The following GRIN2C variants were observed in gnomAD, a reference collection of about 807,000 sequenced individuals.
GRIN2C encodes the protein glutamate receptor ionotropic, NMDA 2C.
Under a neutral mutation model 77.7 loss-of-function variants are expected in GRIN2C, and 64 were observed. That is an observed-to-expected ratio of 0.82 (90% CI 0.67 to 1.01). The LOEUF (loss-of-function observed/expected upper bound fraction) is 1.01. Ranked by LOEUF, GRIN2C falls within the 50% of genes least tolerant of loss-of-function variation. The pLI is 0.00. For missense variants in GRIN2C, 1,549 were observed against 1,486.0 expected (o/e 1.04, Z -0.70); for synonymous variants, 792 against 643.4 (o/e 1.23, Z -3.49).
At position 74,854,688 on chromosome 17, in the gene GRIN2C, A is replaced by G; in HGVS notation, c.399+6T>C. On this transcript the variant is annotated splice_donor_region_variant and intron_variant, in intron 2 of 12. Transcript: ENST00000293190. ...GGCACGAGGGGACATGAGTTTGGAC[A>G]TGCACCTTGGGGGTGAGGACCACAG... The G allele has an allele frequency of 6.2e-7, 1 of 1,601,530 alleles. No homozygotes were observed. The highest frequency in any genetic ancestry group is 1.7e-4 in the Middle Eastern group (1 of 6,028).
In GRIN2C at chr17:74,847,271, T is replaced by TGCCCCCCCCCACCCCCAGC; in HGVS notation, c.2001+18_2001+36dup. 1 of 644,462 alleles carries TGCCCCCCCCCACCCCCAGC rather than the reference T, an allele frequency of 1.6e-6. No individual in the cohort carries two copies. Among genetic ancestry groups the TGCCCCCCCCCACCCCCAGC allele is most frequent in the Non-Finnish European group, 2.8e-6 (1 of 351,306 alleles). 39.9% of individuals were successfully genotyped at this position (644,462 alleles called of 1,614,324 possible). On this transcript the variant is annotated intron_variant, in intron 9 of 12. Transcript: ENST00000293190. The surrounding 1 kb of genome is among the most constrained non-coding windows in gnomAD (Gnocchi z 5.2). ...ACTCACGGCCTGTCCCCACCCTCAG[T>TGCCCCCCCCCACCCCCAGC]GCCCCCCCCCACCCCCAGCAGCTAT...
In GRIN2C at chr17:74,852,618, G is replaced by T; in HGVS notation, c.400-7C>A. ...GGAAGGCGGAGCCCGGCTCCTGGGG[G>T]CGGGCGGGGCCTGAGCGGGGCGGGA... On this transcript the variant is annotated splice_region_variant and splice_polypyrimidine_tract_variant and intron_variant, in intron 2 of 12. Transcript: ENST00000293190. 1 of 1,082,080 alleles carries T rather than the reference G, an allele frequency of 9.2e-7. No individual in the cohort carries two copies. Among genetic ancestry groups the T allele is most frequent in the Non-Finnish European group, 1.2e-6 (1 of 865,170 alleles). The allele number at this position is 1,082,080 out of a possible 1,614,324, so 67.0% of individuals were successfully genotyped here. A position where few individuals can be genotyped will look rare whatever the true frequency, so the allele number is the denominator to read the frequency against.
chr17:74,842,095 G>C lies in GRIN2C; in HGVS notation c.*340C>G. ...CTCTAGCCAGGTAGAGCAAGGATCG[G>C]GATGGCCCTGCCTCAACCACAAGTT... On this transcript the variant is annotated 3_prime_UTR_variant, in exon 13 of 13. Coordinates refer to ENST00000293190, the MANE Select transcript of GRIN2C (RefSeq NM_000835.6). 3.3e-6 allele frequency: 1 copy of C among 300,174 alleles called. No homozygotes were observed. The highest frequency in any genetic ancestry group is 8.9e-5 in the East Asian group (1 of 11,180). The allele number at this position is 300,174 out of a possible 1,614,324, so 18.6% of individuals were successfully genotyped here.
rs1217537715 is a variant in GRIN2C, at chr17:74,847,325, C to T, written c.1984G>A (p.Gly662Ser). The T allele has an allele frequency of 1.2e-6, 2 of 1,609,958 alleles. No individual in the cohort carries two copies. Among genetic ancestry groups the T allele is most frequent in the Non-Finnish European group, 1.7e-6 (2 of 1,177,704 alleles). The change falls in exon 9 of 13, where the codon GGC becomes AGC. Residue 662 changes from glycine (G) to serine (S), a missense_variant. Transcript: ENST00000293190. The surrounding 1 kb of genome is among the most constrained non-coding windows in gnomAD (Gnocchi z 5.2). ...IQEQYIDTVS[G>S]LSDKKFQRPQ... is the part of the protein sequence containing the mutation. ...CCCACAACCTTCTTGTCACTGAGGCCCGACACAGTGTCGATGTATTGCTCT... is the reference window on the plus strand; with the variant it reads ...CCCACAACCTTCTTGTCACTGAGGCTCGACACAGTGTCGATGTATTGCTCT...
rs2037565839 is a variant in GRIN2C, at chr17:74,849,535, A to G, written c.1645+245T>C. Reference sequence around the variant, plus strand: ...CCTGCTGGATTTTCCTGCCACTCACAGTGGCACCACGACCCATCCCACACC... The same window carrying G: ...CCTGCTGGATTTTCCTGCCACTCACGGTGGCACCACGACCCATCCCACACC... On this transcript the variant is annotated intron_variant, in intron 7 of 12. Transcript: ENST00000293190. The surrounding 1 kb of genome is among the most constrained non-coding windows in gnomAD (Gnocchi z 4.6). Among the ~76,000 whole-genome samples, 1 of 152,022 alleles carries G rather than the reference A, an allele frequency of 6.6e-6. No homozygotes were observed. Among genetic ancestry groups the G allele is most frequent in the Non-Finnish European group, 1.5e-5 (1 of 67,998 alleles).
At position 74,852,152 on chromosome 17, in the gene GRIN2C, G is replaced by A; in HGVS notation, c.859C>T (p.Gln287Ter). 1 of 1,455,330 alleles carries A rather than the reference G, an allele frequency of 6.9e-7. No individual in the cohort carries two copies. The highest frequency in any genetic ancestry group is 1.3e-5 in the South Asian group (1 of 74,468). 90.2% of individuals were successfully genotyped at this position (1,455,330 alleles called of 1,614,324 possible). A position where few individuals can be genotyped will look rare whatever the true frequency, so the allele number is the denominator to read the frequency against. Residue 287 changes from glutamine (Q) to a stop codon, truncating the protein, a stop_gained, in exon 3 of 13, where the codon CAG becomes TAG. Coordinates refer to ENST00000293190, the MANE Select transcript of GRIN2C (RefSeq NM_000835.6). LOFTEE classifies it high-confidence loss of function. ...ATGGCCACGCCGTCGCGCACCTTCT[G>A]GCGCAGGCTGAGGCGCCAGCTCTCG... ...VTESWRLSLR[Q>*]KVRDGVAILA...
rs2037390705 is a variant in GRIN2C at position 74,844,315 on chromosome 17, G to C, written c.2544C>G (p.Pro848=). 2.5e-6 allele frequency: 4 copies of C among 1,614,050 alleles called. No homozygotes were observed. In the African/African-American group the frequency reaches 5.3e-5, roughly 22 times the overall value. The change falls in exon 12 of 13, where the codon CCC becomes CCG. Residue 848 remains proline, a synonymous_variant. Coordinates refer to ENST00000293190, the MANE Select transcript of GRIN2C (RefSeq NM_000835.6). ...GCAGGAAGTCCAGCTGGGATGAGTT[G>C]GGCACCGAGTGGCGCAGCTTCCAGT... ...LVYWKLRHSV[P]NSSQLDFLLA...
At position 74,854,941 on chromosome 17, in the gene GRIN2C, G is replaced by A. The variant is rs756373314; in HGVS notation, c.152C>T (p.Thr51Ile). The A allele has an allele frequency of 1.5e-5, 24 of 1,613,292 alleles. No individual in the cohort carries two copies. In the East Asian group the frequency reaches 2.5e-4, roughly 16 times the overall value. ...GGGTAGGTCCAGGAAGCTCTGGGGG[G>A]TGAGGCGGGCACGGAACTGGGCCTG... ...PPQAQFRARLTPQSFLDLPLE... is the reference protein window; with the variant it reads ...PPQAQFRARLIPQSFLDLPLE... Residue 51 changes from threonine to isoleucine, a missense_variant, in exon 2 of 13, where the codon ACC becomes ATC. Physicochemically the swap from Thr to Ile is moderately conservative, Grantham distance 89 (BLOSUM62 -1). Transcript: ENST00000293190.
chr17:74,856,779 A>C (rs1237911685), intron 1 of GRIN2C, among the ~76,000 whole-genome samples: 1 of 151,696 alleles, frequency 6.6e-6, no homozygotes. Context: ...ACACCCAGCT[A>C]TCTCTCTCTT....
Position 74,846,104 on chromosome 17 carries a change from C to T in GRIN2C, c.2312G>A (p.Arg771Gln), listed in dbSNP as rs1598475083. The T allele has an allele frequency of 3.7e-6, 6 of 1,614,108 alleles. No homozygotes were observed. Among genetic ancestry groups the T allele is most frequent in the Non-Finnish European group, 3.4e-6 (4 of 1,180,042 alleles). Residue 771 changes from arginine (R) to glutamine (Q), a missense_variant, in exon 11 of 13, where the codon CGG (arginine) becomes CAG (glutamine). Coordinates refer to ENST00000293190, the MANE Select transcript of GRIN2C (RefSeq NM_000835.6). This position sits in a 1 kb window ranked among gnomAD's most constrained non-coding sequence, Gnocchi z 4.4. ...CTGCAAGAGCGCCAGGTCTATGGCC[C>T]GCTTCCAGTGGGAGTCCTTCTGCAT... ...IAMQKDSHWK[R>Q]AIDLALLQFL... is the part of the protein sequence containing the mutation.
In GRIN2C at chr17:74,852,562, A is replaced by T; in HGVS notation, c.449T>A (p.Leu150Gln). The T allele has an allele frequency of 6.6e-7, 1 of 1,507,728 alleles. No individual in the cohort carries two copies. The highest frequency in any genetic ancestry group is 8.8e-7 in the Non-Finnish European group (1 of 1,131,196). The allele number at this position is 1,507,728 out of a possible 1,614,324, so 93.4% of individuals were successfully genotyped here. A position where few individuals can be genotyped will look rare whatever the true frequency, so the allele number is the denominator to read the frequency against. Residue 150 changes from leucine to glutamine, a missense_variant, in exon 3 of 13, where the codon CTG becomes CAG. By Grantham distance (113) the Leu-to-Gln change is moderately radical (BLOSUM62 -2). Coordinates refer to ENST00000293190, the MANE Select transcript of GRIN2C (RefSeq NM_000835.6). ...LQLGVSLEQQ[L>Q]QVLFKVLEEY... Reference sequence around the variant, plus strand: ...TTCCAGCACCTTGAACAGCACCTGCAGCTGCTGCTCCAGGGACACGCCCAG... The same window carrying T: ...TTCCAGCACCTTGAACAGCACCTGCTGCTGCTGCTCCAGGGACACGCCCAG...
chr17:74,858,462 C>T (rs1251011648), intron 1 of GRIN2C, among the ~76,000 whole-genome samples: 2 of 152,002 alleles, frequency 1.3e-5, no homozygotes, highest in African/African-American at 2.4e-5. Context: ...CTAGGTAAGT[C>T]CCTGGGCTCC....
Position 74,855,096 on chromosome 17 carries a change from C to T in GRIN2C, c.-4G>A. The T allele has an allele frequency of 6.3e-7, 1 of 1,578,668 alleles. No individual in the cohort carries two copies. Among genetic ancestry groups the T allele is most frequent in the Admixed American group, 1.7e-5 (1 of 57,850 alleles). On this transcript the variant is annotated 5_prime_UTR_variant, in exon 2 of 13. Coordinates refer to ENST00000293190, the MANE Select transcript of GRIN2C (RefSeq NM_000835.6). ...CCGGCCCCAGGGCCCCACCCATGTC[C>T]ACCGGAGGGTCCTGCGGAGAGACCA...
Position 74,849,666 on chromosome 17 carries a change from G to T in GRIN2C, c.1645+114C>A. The T allele has an allele frequency of 1.1e-6, 1 of 934,552 alleles. No homozygotes were observed. Among genetic ancestry groups the T allele is most frequent in the Non-Finnish European group, 1.6e-6 (1 of 617,492 alleles). 57.9% of individuals were successfully genotyped at this position (934,552 alleles called of 1,614,324 possible). A position where few individuals can be genotyped will look rare whatever the true frequency, so the allele number is the denominator to read the frequency against. On this transcript the variant is annotated intron_variant, in intron 7 of 12. Coordinates refer to ENST00000293190, the MANE Select transcript of GRIN2C (RefSeq NM_000835.6). The surrounding 1 kb of genome is among the most constrained non-coding windows in gnomAD (Gnocchi z 4.6). ...CAGCCAACCTCCAAGACCCAAGGCT[G>T]CTGTGCTTGGCCTGTGAGAGCCCAC...
At chr17:74,848,507 C>T (rs527516513) in intron 7 of GRIN2C, among the ~76,000 whole-genome samples, 1 of 152,296 alleles carries the variant, frequency 6.6e-6, no homozygotes, top group East Asian at 1.9e-4. Flanking sequence ...CGAGACCAGC[C>T]TGGCCAACAT....
At chr17:74,852,808 C>T (rs2037707247) in intron 2 of GRIN2C, 197 bp from the exon 3 acceptor site, 2 of 427,876 alleles carry the variant, frequency 4.7e-6, no homozygotes, top group South Asian at 1.5e-4. Flanking sequence ...CATGCCCGGC[C>T]CCCAGCCCAC....
intron 1 of GRIN2C, among the ~76,000 whole-genome samples, chr17:74,858,772 G>A (rs1043244495): frequency 1.3e-5 from 2 of 151,850 alleles, no homozygotes; most frequent in African/African-American, 2.4e-5. Context: ...GCAACCAACC[G>A]TCCTCCCATC....
chr17:74,855,508 C>G (rs1388819635), intron 1 of GRIN2C, among the ~76,000 whole-genome samples: 3 of 152,252 alleles, frequency 2.0e-5, no homozygotes, highest in Non-Finnish European at 4.4e-5. Flanking sequence ...CTGCCACTAA[C>G]TGGCTGTGTG....
At position 74,846,015 on chromosome 17, in the gene GRIN2C, AC is replaced by A. The variant is rs2037443071; in HGVS notation, c.2350+50del. On this transcript the variant is annotated intron_variant, in intron 11 of 12. Transcript: ENST00000293190. The surrounding 1 kb of genome is among the most constrained non-coding windows in gnomAD (Gnocchi z 4.4). Reference sequence around the variant, plus strand: ...TTGAGTGGTGGTGGAAATGCTGACAACCTTGGGCTCCACAGCCCACCCTGGG... The same window carrying A: ...TTGAGTGGTGGTGGAAATGCTGACAACTTGGGCTCCACAGCCCACCCTGGG... 1.3e-6 allele frequency: 2 copies of A among 1,534,498 alleles called. No homozygotes were observed. The highest frequency in any genetic ancestry group is 2.3e-5 in the South Asian group (2 of 88,870).
Sources: gnomAD v4.1 joint callset for allele counts (sites outside exome capture counted in the v4.1 genomes callset) on GRCh38, gnomAD v4.1.1 for gene constraint, Gnocchi (gnomAD v3.1) non-coding constraint, MANE v1.5 for transcripts, NCBI Gene and HGNC (gene_info 2026-07-23, HGNC 2026-07-21) for gene names.